Variants in TRAK1 observed in about 807,000 individuals in gnomAD.
The protein encoded by TRAK1 is trafficking kinesin protein 1.
In TRAK1, 33 loss-of-function variants were observed where a neutral mutation model predicts 92.1. The ratio of observed to expected loss-of-function variants is 0.36; its 90% CI spans 0.27 to 0.48. The LOEUF (loss-of-function observed/expected upper bound fraction) is 0.48, where lower values mean the gene tolerates loss of function less well. Among genes scored for constraint, TRAK1 ranks in the 20% least tolerant of loss-of-function variants. TRAK1 has a pLI of 0.99. For missense variants in TRAK1, 1,123 were observed against 1,257.9 expected (o/e 0.89, Z 1.62); for synonymous variants, 521 against 517.3 (o/e 1.01, Z -0.10).
At chr3:42,137,299 C>T (rs1698075279) in intron 2 of TRAK1, among the ~76,000 whole-genome samples, 1 of 152,120 alleles carries the variant, frequency 6.6e-6, no homozygotes. Context: ...GGGTGAATAC[C>T]CTTTTACTTC....
intron 1 of TRAK1, among the ~76,000 whole-genome samples, chr3:42,030,665 T>A: frequency 1.9e-5 from 2 of 105,714 alleles, no homozygotes; most frequent in Non-Finnish European, 1.8e-5. Context: ...AGAGGGAGAC[T>A]CCATCTCAAA....
At chr3:42,164,223 G>C (rs562296279) in intron 2 of TRAK1, among the ~76,000 whole-genome samples, 1 of 152,274 alleles carries the variant, frequency 6.6e-6, no homozygotes, top group South Asian at 2.1e-4. Context: ...GGATCTAACC[G>C]TGTTACCTGG....
At chr3:42,122,648 C>T (rs962644856) in intron 1 of TRAK1, among the ~76,000 whole-genome samples, 1 of 152,158 alleles carries the variant, frequency 6.6e-6, no homozygotes, top group African/African-American at 2.4e-5. Context: ...TGGGAACTCA[C>T]TCTTTGCTTG....
intron 1 of TRAK1, among the ~76,000 whole-genome samples, chr3:42,019,794 A>G (rs777348651): frequency 6.6e-6 from 1 of 152,224 alleles, no homozygotes; most frequent in Admixed American, 6.5e-5. Flanking sequence ...ATGTCTCCTT[A>G]TAATGTTAGA....
chr3:42,218,111 T>C, intron 14 of TRAK1: 2 of 985,416 alleles, frequency 2.0e-6, no homozygotes, highest in Non-Finnish European at 2.4e-6. Flanking sequence ...CATCTTGCCT[T>C]GTTCCTCTAG....
chr3:42,049,729 T>C (rs1702906602), intron 1 of TRAK1, among the ~76,000 whole-genome samples: 1 of 152,212 alleles, frequency 6.6e-6, no homozygotes, highest in Admixed American at 6.5e-5. Context: ...TCTTTAATTT[T>C]CAAAAGCTTT....
rs541076434 is a variant in TRAK1, at chr3:42,165,327, C to T, written c.287-11487C>T. 2.6e-5 allele frequency among the ~76,000 whole-genome samples: 4 copies of T among 152,290 alleles called. No individual in the cohort carries two copies. In the South Asian group the frequency reaches 6.2e-4, roughly 24 times the overall value. On this transcript the variant is annotated intron_variant, in intron 2 of 15. Transcript: ENST00000327628. ...TTGAACACTAACCAGACATGATCAT[C>T]TGGAAAAACGGGTGAAAAAAATGCC...
At chr3:42,031,567 A>G (rs1702149325) in intron 1 of TRAK1, among the ~76,000 whole-genome samples, 1 of 151,952 alleles carries the variant, frequency 6.6e-6, no homozygotes, top group East Asian at 2.0e-4. Flanking sequence ...CAGGAATTTG[A>G]GGTTACGGTG....
At chr3:42,212,243 G>A (rs1255719810) in intron 14 of TRAK1, 2 of 985,380 alleles carry the variant, frequency 2.0e-6, no homozygotes, top group Non-Finnish European at 2.4e-6. Context: ...ATCCATGGTG[G>A]TCTGGTCCCT....
chr3:42,209,714 C>T (rs1708758850), intron 13 of TRAK1, 53 bp from the exon 14 acceptor site: 1 of 1,558,036 alleles, frequency 6.4e-7, no homozygotes, highest in African/African-American at 1.4e-5. Context: ...GGACTTCCAT[C>T]CTAACCCTCT....
At chr3:42,170,034 C>T (rs115231428) in intron 2 of TRAK1, among the ~76,000 whole-genome samples, 2,136 of 152,034 alleles carry the variant, frequency 0.014, 26 homozygotes, top group Non-Finnish European at 0.022. Flanking sequence ...CTGAGAGTGG[C>T]ATCACTGGGT....
At chr3:42,175,531 G>A (rs1324711238) in intron 2 of TRAK1, among the ~76,000 whole-genome samples, 2 of 152,116 alleles carry the variant, frequency 1.3e-5, no homozygotes, top group African/African-American at 2.4e-5. Context: ...TTGGGTGGAG[G>A]GGTCTTGTCT....
chr3:42,013,632 G>A (rs546375813), upstream of TRAK1, among the ~76,000 whole-genome samples: 1,049 of 148,898 alleles, frequency 7.0e-3, 10 homozygotes, highest in Non-Finnish European at 0.011. The surrounding 1 kb of genome is among the most constrained non-coding windows in gnomAD (Gnocchi z 5.1). Flanking sequence ...GAGGGGAGGT[G>A]CAAGCCGCCC....
At chr3:42,186,000 TG>T (rs59857962) in intron 4 of TRAK1, among the ~76,000 whole-genome samples, 2 of 30,120 alleles carry the variant, frequency 6.6e-5, no homozygotes, top group African/African-American at 8.6e-5. Context: ...TTTTTTTTTT[TG>T]AGATAAGGTC....
At chr3:42,168,010 G>A (rs62257335) in intron 2 of TRAK1, among the ~76,000 whole-genome samples, 329 of 152,364 alleles carry the variant, frequency 2.2e-3, no homozygotes, top group Non-Finnish European at 4.0e-3. Context: ...ACTTGGCGAA[G>A]CCTTCAAGGA....
chr3:42,163,342 G>A (rs1017104313), intron 2 of TRAK1, among the ~76,000 whole-genome samples: 4 of 152,000 alleles, frequency 2.6e-5, no homozygotes, highest in Non-Finnish European at 5.9e-5. Flanking sequence ...AGGCTGAGGC[G>A]GGTGGATCAT....
intron 2 of TRAK1, among the ~76,000 whole-genome samples, chr3:42,144,471 A>G (rs1415438164): frequency 1.3e-5 from 2 of 152,200 alleles, no homozygotes; most frequent in Non-Finnish European, 2.9e-5. Context: ...CATGGAAAAC[A>G]AAGAGCCTGT....
At chr3:42,132,865 A>T (rs1320753074) in intron 2 of TRAK1, among the ~76,000 whole-genome samples, 1 of 152,112 alleles carries the variant, frequency 6.6e-6, no homozygotes, top group African/African-American at 2.4e-5. Flanking sequence ...TGAGATTATT[A>T]ACTCATCCAT....
At chr3:42,078,350 A>G (rs1478714905) in intron 1 of TRAK1, among the ~76,000 whole-genome samples, 1 of 152,208 alleles carries the variant, frequency 6.6e-6, no homozygotes, top group Admixed American at 6.5e-5. Context: ...TGGAATTAGA[A>G]CTATTAATCC....
Sources: gnomAD v4.1 joint callset for allele counts (sites outside exome capture counted in the v4.1 genomes callset) on GRCh38, gnomAD v4.1.1 for gene constraint, Gnocchi (gnomAD v3.1) non-coding constraint, MANE v1.5 for transcripts, NCBI Gene and HGNC (gene_info 2026-07-23, HGNC 2026-07-21) for gene names.